NEGR1: variants seen among roughly 807,000 people sequenced by gnomAD.
The protein encoded by NEGR1 is neuronal growth regulator 1, also known as IgLON family member 4.
In NEGR1, 10 loss-of-function variants were observed where a neutral mutation model predicts 40.9. The ratio of observed to expected loss-of-function variants is 0.24; its 90% CI spans 0.15 to 0.42. The LOEUF (loss-of-function observed/expected upper bound fraction) is 0.42, where lower values mean the gene tolerates loss of function less well. NEGR1 is among the 10% of genes least tolerant of loss of function. NEGR1 has a pLI of 1.00. For missense variants in NEGR1, 352 were observed against 438.9 expected (o/e 0.80, Z 1.77); for synonymous variants, 185 against 166.8 (o/e 1.11, Z -0.84).
intron 2 of NEGR1, among the ~76,000 whole-genome samples, chr1:71,852,701 A>G (rs1659642176): frequency 1.3e-5 from 2 of 152,024 alleles, no homozygotes; most frequent in South Asian, 2.1e-4. Context: ...TTCAATTAGA[A>G]AAAGACAAGA....
At chr1:71,433,222 T>A (rs900344773) in intron 6 of NEGR1, among the ~76,000 whole-genome samples, 1 of 152,220 alleles carries the variant, frequency 6.6e-6, no homozygotes, top group Non-Finnish European at 1.5e-5. Context: ...CTCTTATTTA[T>A]AAATTGTTCA....
At chr1:71,535,935 TG>T (rs1647495186) in intron 6 of NEGR1, among the ~76,000 whole-genome samples, 1 of 151,726 alleles carries the variant, frequency 6.6e-6, no homozygotes, top group Non-Finnish European at 1.5e-5. Flanking sequence ...TTATAGGGTT[TG>T]GAAGGATTAA....
chr1:72,250,567 T>C (rs768293965), intron 1 of NEGR1, among the ~76,000 whole-genome samples: 3 of 152,196 alleles, frequency 2.0e-5, no homozygotes, highest in Non-Finnish European at 2.9e-5. Flanking sequence ...TCTACTTTCA[T>C]TTGCCACTGT....
Position 72,282,356 on chromosome 1 carries a change from T to C in NEGR1, c.139A>G (p.Asn47Asp), listed in dbSNP as rs371044840. 1.9e-6 allele frequency: 3 copies of C among 1,613,982 alleles called. No individual in the cohort carries two copies. The highest frequency in any genetic ancestry group is 2.5e-6 in the Non-Finnish European group (3 of 1,180,030). Residue 47 changes from asparagine (N) to aspartate (D), a missense_variant, in exon 1 of 7, where the codon AAC (asparagine) becomes GAC (aspartate). Physicochemically the swap from Asn to Asp is conservative, Grantham distance 23. Coordinates refer to ENST00000357731, the MANE Select transcript of NEGR1 (RefSeq NM_173808.3). ...GTGTCCCCTTTTCTGACCATCATGT[T>C]GTCCACGGCCGCCCAGGGGAAGTCC... ...SVDFPWAAVD[N>D]MMVRKGDTAV...
intron 1 of NEGR1, among the ~76,000 whole-genome samples, chr1:72,125,547 T>C (rs534730175): frequency 6.6e-6 from 1 of 152,174 alleles, no homozygotes; most frequent in Admixed American, 6.5e-5. Flanking sequence ...TATTATGAAA[T>C]GTCAGCTTTA....
chr1:72,103,048 T>C (rs1390397120), intron 1 of NEGR1, among the ~76,000 whole-genome samples: 2 of 152,132 alleles, frequency 1.3e-5, no homozygotes, highest in East Asian at 1.9e-4. Flanking sequence ...TGTTTATCAT[T>C]TGTCACTCTG....
intron 3 of NEGR1, among the ~76,000 whole-genome samples, chr1:71,763,165 TG>T (rs1656006902): frequency 6.6e-6 from 1 of 152,172 alleles, no homozygotes; most frequent in South Asian, 2.1e-4. Context: ...CATGATAAAA[TG>T]GTATAGAAAT....
At chr1:71,809,085 A>G (rs1289760651) in intron 2 of NEGR1, among the ~76,000 whole-genome samples, 1 of 152,192 alleles carries the variant, frequency 6.6e-6, no homozygotes, top group Non-Finnish European at 1.5e-5. Context: ...TCCATGTGTG[A>G]AAAGCAGCAC....
At chr1:71,834,550 T>C (rs1370893364) in intron 2 of NEGR1, among the ~76,000 whole-genome samples, 1 of 151,614 alleles carries the variant, frequency 6.6e-6, no homozygotes, top group Non-Finnish European at 1.5e-5. Context: ...TTTATACCAT[T>C]GGCTCCACTG....
chr1:72,180,921 C>T (rs1652343774), intron 1 of NEGR1, among the ~76,000 whole-genome samples: 1 of 152,016 alleles, frequency 6.6e-6, no homozygotes, highest in Non-Finnish European at 1.5e-5. Flanking sequence ...TCTATAGCTT[C>T]CTCCTCACAG....
chr1:71,812,976 C>T (rs544646632), intron 2 of NEGR1, among the ~76,000 whole-genome samples: 10 of 152,148 alleles, frequency 6.6e-5, no homozygotes, highest in African/African-American at 2.4e-4. Flanking sequence ...GTCGCAATTG[C>T]TTTTGATGTT....
chr1:71,686,994 A>ACATTT (rs1354337653), intron 4 of NEGR1, among the ~76,000 whole-genome samples: 1 of 152,208 alleles, frequency 6.6e-6, no homozygotes, highest in African/African-American at 2.4e-5. Context: ...CCTATTATGT[A>ACATTT]AATGTACACT....
At chr1:71,827,636 A>T (rs1327200220) in intron 2 of NEGR1, among the ~76,000 whole-genome samples, 1 of 152,098 alleles carries the variant, frequency 6.6e-6, no homozygotes, top group South Asian at 2.1e-4. Context: ...CAAACAAAAC[A>T]ATAACAAAAT....
intron 6 of NEGR1, among the ~76,000 whole-genome samples, chr1:71,497,191 A>G (rs746045174): frequency 6.6e-6 from 1 of 152,172 alleles, no homozygotes; most frequent in African/African-American, 2.4e-5. Flanking sequence ...TGATCAATTG[A>G]TAGACGTTTT....
intron 4 of NEGR1, among the ~76,000 whole-genome samples, chr1:71,641,191 G>T (rs1651337272): frequency 6.6e-6 from 1 of 152,068 alleles, no homozygotes; most frequent in Non-Finnish European, 1.5e-5. Context: ...AGCTGTCACA[G>T]CTTGACAGCT....
intron 1 of NEGR1, among the ~76,000 whole-genome samples, chr1:72,203,517 T>C (rs1466730194): frequency 6.6e-6 from 1 of 152,142 alleles, no homozygotes; most frequent in Non-Finnish European, 1.5e-5. Context: ...TTTCTTGAGA[T>C]GGAATCTACT....
In NEGR1 at chr1:71,860,453, T is replaced by C. The variant is rs1460886020; in HGVS notation, c.409+74626A>G. Reference sequence around the variant, plus strand: ...TCCAAATACAGTGGGAGGTCATTTTTAGACCACTTTATGTTTTGGGAAATT... The same window carrying C: ...TCCAAATACAGTGGGAGGTCATTTTCAGACCACTTTATGTTTTGGGAAATT... On this transcript the variant is annotated intron_variant, in intron 2 of 6. Transcript: ENST00000357731. Among the ~76,000 whole-genome samples, 7 of 152,020 alleles carry C rather than the reference T, an allele frequency of 4.6e-5. No homozygotes were observed. The East Asian group carries it at 1.4e-3, about 29-fold the overall frequency.
At chr1:72,159,776 G>T (rs1338276410) in intron 1 of NEGR1, among the ~76,000 whole-genome samples, 1 of 152,006 alleles carries the variant, frequency 6.6e-6, no homozygotes, top group East Asian at 1.9e-4. Context: ...GATGTAAAAA[G>T]ATATCGATGA....
intron 1 of NEGR1, among the ~76,000 whole-genome samples, chr1:72,187,090 T>C (rs538778332): frequency 6.6e-6 from 1 of 151,740 alleles, no homozygotes; most frequent in African/African-American, 2.4e-5. Flanking sequence ...GCTGATAATG[T>C]ACTTTCTCCT....
Sources: gnomAD v4.1 joint callset for allele counts (sites outside exome capture counted in the v4.1 genomes callset) on GRCh38, gnomAD v4.1.1 for gene constraint, MANE v1.5 for transcripts, NCBI Gene and HGNC (gene_info 2026-07-23, HGNC 2026-07-21) for gene names.